The following DPPA2 variants were observed in gnomAD, a reference collection of about 807,000 sequenced individuals.
DPPA2 encodes developmental pluripotency-associated protein 2.
A neutral mutation model predicts 36.2 loss-of-function variants in DPPA2; 26 were observed. The ratio of observed to expected loss-of-function variants is 0.72; its 90% CI spans 0.53 to 1.00. The LOEUF (loss-of-function observed/expected upper bound fraction) is 1.00. DPPA2 is among the 50% of genes least tolerant of loss of function. The pLI is 0.00. For missense variants in DPPA2, 361 were observed against 365.1 expected (o/e 0.99, Z 0.09); for synonymous variants, 113 against 123.2 (o/e 0.92, Z 0.55).
At position 109,304,536 on chromosome 3, in the gene DPPA2, C is replaced by T. The variant is rs761769149; in HGVS notation, c.793G>A (p.Ala265Thr). Residue 265 changes from alanine to threonine, a missense_variant, in exon 7 of 9, where the codon GCC becomes ACC. Ala to Thr is a moderately conservative substitution (Grantham distance 58). Coordinates refer to ENST00000478945, the MANE Select transcript of DPPA2 (RefSeq NM_138815.4). ...RRMISLFLLP[A>T]CIFPSPGIED... ...ATGCCTGGGGATGGGAAAATGCAGG[C>T]AGGTAACAAGAAGAGAGAAATCATC... 5.0e-6 allele frequency: 8 copies of T among 1,613,870 alleles called. No individual in the cohort carries two copies. The Admixed American group carries it at 6.7e-5, about 13-fold the overall frequency.
At chr3:109,298,829 G>A (rs1707406207) in intron 8 of DPPA2, among the ~76,000 whole-genome samples, 1 of 151,000 alleles carries the variant, frequency 6.6e-6, no homozygotes, top group African/African-American at 2.4e-5. Flanking sequence ...GGAGTTCAAT[G>A]GTCTTGAACC....
At chr3:109,304,420 C>T (rs1239527160) in intron 7 of DPPA2, 55 bp downstream of exon 7, 1 of 1,478,398 alleles carries the variant, frequency 6.8e-7, no homozygotes, top group African/African-American at 1.4e-5. Context: ...TTTAGAAATC[C>T]ATCTATACAC....
intron 7 of DPPA2, among the ~76,000 whole-genome samples, chr3:109,301,680 GAGAGAA>G (rs1218081253): frequency 6.7e-5 from 1 of 14,964 alleles, no homozygotes; most frequent in South Asian, 0.028. Flanking sequence ...AAAAGGAAAA[GAGAGAA>G]AGAAAGAAGA....
chr3:109,306,306 T>C (rs78914438), intron 6 of DPPA2, among the ~76,000 whole-genome samples: 3,232 of 152,302 alleles, frequency 0.021, 56 homozygotes, highest in Non-Finnish European at 0.033. Flanking sequence ...GTGTCCTCTT[T>C]GGGAAGGCAG....
chr3:109,300,403 A>C lies in DPPA2; in HGVS notation c.887T>G (p.Val296Gly). The change falls in exon 8 of 9, where the codon GTA becomes GGA. Residue 296 changes from valine (V) to glycine (G), a missense_variant. Transcript: ENST00000478945. ...NKKMMKRLMTVEK is the reference protein window; with the variant it reads ...NKKMMKRLMTGEK The stretch of plus-strand genomic sequence containing the variant: ...TCAAACAGGTTGCTGCTACTTCTCT[A>C]CTGTCATTAATCTTTTCATCATCTT... 1 of 1,613,900 alleles carries C rather than the reference A, an allele frequency of 6.2e-7. No individual in the cohort carries two copies. The highest frequency in any genetic ancestry group is 8.5e-7 in the Non-Finnish European group (1 of 1,179,824).
chr3:109,304,644 T>G lies in DPPA2; in HGVS notation c.685A>C (p.Arg229=). Reference sequence around the variant, plus strand: ...CCCTTTGTGTCTGCCGAGAGAAGTCTGCCATGGACCACACACCACCTGACG... The same window carrying G: ...CCCTTTGTGTCTGCCGAGAGAAGTCGGCCATGGACCACACACCACCTGACG... ...SGVRWCVVHG[R]LLSADTKGWV... Residue 229 remains arginine, a synonymous_variant, in exon 7 of 9, where the codon AGA becomes CGA. Coordinates refer to ENST00000478945, the MANE Select transcript of DPPA2 (RefSeq NM_138815.4). 1 of 1,608,848 alleles carries G rather than the reference T, an allele frequency of 6.2e-7. No homozygotes were observed. The highest frequency in any genetic ancestry group is 8.5e-7 in the Non-Finnish European group (1 of 1,178,116).
intron 7 of DPPA2, 65 bp downstream of exon 7, chr3:109,304,410 T>C: frequency 6.9e-7 from 1 of 1,458,582 alleles, no homozygotes; most frequent in Admixed American, 2.4e-5. Flanking sequence ...TGTTAAATTA[T>C]TTAGAAATCC....
At chr3:109,310,300 C>T (rs1454908465) in intron 3 of DPPA2, among the ~76,000 whole-genome samples, 1 of 141,872 alleles carries the variant, frequency 7.0e-6, no homozygotes, top group Non-Finnish European at 1.5e-5. Context: ...TCCAGCTACT[C>T]AGGAGGCTGA....
In DPPA2 at chr3:109,307,603, C is replaced by CAAAAAA. The variant is rs769445059; in HGVS notation, c.658+423_658+428dup. Among the ~76,000 whole-genome samples the CAAAAAA allele has an allele frequency of 2.4e-3, 104 of 43,230 alleles. No individual in the cohort carries two copies. In the Middle Eastern group the frequency reaches 0.035, roughly 15 times the overall value. The allele number at this position is 43,230 out of a possible 152,430, so 28.4% of individuals were successfully genotyped here. ...GGGCAACAAGAGCGAAACTCCATCT[C>CAAAAAA]AAAAAAAAAAAAAAAAAAAAAAGAA... On this transcript the variant is annotated intron_variant, in intron 6 of 8. Transcript: ENST00000478945.
At chr3:109,305,655 T>C (rs1707545742) in intron 6 of DPPA2, among the ~76,000 whole-genome samples, 1 of 151,590 alleles carries the variant, frequency 6.6e-6, no homozygotes, top group African/African-American at 2.4e-5. Flanking sequence ...GCGCCTGTAA[T>C]CCCAGCTACT....
In DPPA2 at chr3:109,304,619, C is replaced by T; in HGVS notation, c.710G>A (p.Gly237Asp). ...TGCATGAAACTGCAGGCGTACCCAA[C>T]CCTTTGTGTCTGCCGAGAGAAGTCT... Reference protein sequence around the residue: ...HGRLLSADTKGWVRLQFHAGQ... With the variant: ...HGRLLSADTKDWVRLQFHAGQ... Residue 237 changes from glycine (G) to aspartate (D), a missense_variant, in exon 7 of 9, where the codon GGT becomes GAT. Gly to Asp is a moderately conservative substitution (Grantham distance 94, BLOSUM62 -1). Transcript: ENST00000478945. The T allele has an allele frequency of 6.2e-7, 1 of 1,613,380 alleles. No individual in the cohort carries two copies. The highest frequency in any genetic ancestry group is 2.2e-5 in the East Asian group (1 of 44,838).
Position 109,293,977 on chromosome 3 carries a change from A to T in DPPA2, c.*50T>A, listed in dbSNP as rs1358185094. On this transcript the variant is annotated 3_prime_UTR_variant, in exon 9 of 9. Transcript: ENST00000478945. ...CCACTCCTTCGTAATAGGTTACATG[A>T]TCTGAAAGTACATCCCTCCTTTAGT... 6.6e-6 allele frequency: 1 copy of T among 152,144 alleles called. No homozygotes were observed. Among genetic ancestry groups the T allele is most frequent in the Non-Finnish European group, 1.5e-5 (1 of 68,040 alleles). The allele number at this position is 152,144 out of a possible 1,614,324, so 9.4% of individuals were successfully genotyped here.
In DPPA2 at chr3:109,315,795, G is replaced by A. The variant is rs898624068; in HGVS notation, c.-14+489C>T. Among the ~76,000 whole-genome samples, 5 of 152,144 alleles carry A rather than the reference G, an allele frequency of 3.3e-5. 1 individual carries two copies. Among genetic ancestry groups the A allele is most frequent in the Admixed American group, 1.3e-4 (2 of 15,276 alleles). ...TCCTTTGGGAGGCCTTTGGGAGGCCGAGGAAGGACGACCACTTGAGTCCAG... is the reference window on the plus strand; with the variant it reads ...TCCTTTGGGAGGCCTTTGGGAGGCCAAGGAAGGACGACCACTTGAGTCCAG... On this transcript the variant is annotated intron_variant, in intron 1 of 8. Coordinates refer to ENST00000478945, the MANE Select transcript of DPPA2 (RefSeq NM_138815.4).
chr3:109,312,459 C>G lies in DPPA2; in HGVS notation c.181+86G>C, dbSNP rs1424845433. Reference sequence around the variant, plus strand: ...AGATTTAAGCTGGGTGTTGTATAGTCAGAGGATAGGAAAGACAAATCTTAC... The same window carrying G: ...AGATTTAAGCTGGGTGTTGTATAGTGAGAGGATAGGAAAGACAAATCTTAC... On this transcript the variant is annotated intron_variant, in intron 3 of 8. Transcript: ENST00000478945. 3 of 1,487,176 alleles carry G rather than the reference C, an allele frequency of 2.0e-6. No individual in the cohort carries two copies. In the East Asian group the frequency reaches 6.8e-5, roughly 34 times the overall value. 92.1% of individuals were successfully genotyped at this position (1,487,176 alleles called of 1,614,324 possible).
intron 6 of DPPA2, among the ~76,000 whole-genome samples, chr3:109,305,929 C>T (rs1036832977): frequency 6.6e-6 from 1 of 152,068 alleles, no homozygotes; most frequent in Non-Finnish European, 1.5e-5. Context: ...CTACATTGTA[C>T]TGCCTCAGCT....
Position 109,308,656 on chromosome 3 carries a change from C to T in DPPA2, c.397-363G>A, listed in dbSNP as rs559646702. On this transcript the variant is annotated intron_variant, in intron 5 of 8. Coordinates refer to ENST00000478945, the MANE Select transcript of DPPA2 (RefSeq NM_138815.4). ...GGATTACAGGCATGAGCCACCACAC[C>T]CGGCCAATTTTATTATTCTTTGTAC... Among the ~76,000 whole-genome samples the T allele has an allele frequency of 2.6e-5, 4 of 152,334 alleles. No individual in the cohort carries two copies. In the East Asian group the frequency reaches 7.7e-4, roughly 29 times the overall value.
intron 8 of DPPA2, among the ~76,000 whole-genome samples, chr3:109,299,654 C>G (rs1232889902): frequency 2.7e-5 from 4 of 149,490 alleles, no homozygotes; most frequent in Non-Finnish European, 5.9e-5. Context: ...TCATTGTACT[C>G]CAGCCTGGGC....
intron 7 of DPPA2, among the ~76,000 whole-genome samples, chr3:109,302,974 G>T (rs1293075767): frequency 5.9e-5 from 9 of 152,146 alleles, no homozygotes; most frequent in Non-Finnish European, 1.0e-4. Flanking sequence ...GGGAGATGAT[G>T]ACTTACAGGA....
At chr3:109,315,494 G>C (rs372279953) in intron 1 of DPPA2, among the ~76,000 whole-genome samples, 1 of 152,180 alleles carries the variant, frequency 6.6e-6, no homozygotes, top group African/African-American at 2.4e-5. Context: ...GGAATTGCTG[G>C]AGCCTAATGT....
Sources: gnomAD v4.1 joint callset for allele counts (sites outside exome capture counted in the v4.1 genomes callset) on GRCh38, gnomAD v4.1.1 for gene constraint, MANE v1.5 for transcripts, NCBI Gene and HGNC (gene_info 2026-07-23, HGNC 2026-07-21) for gene names.